FIGN: variants seen among roughly 807,000 people sequenced by gnomAD.
FIGN encodes fidgetin, microtubule severing factor.
A neutral mutation model predicts 51.3 loss-of-function variants in FIGN; 11 were observed. That is an observed-to-expected ratio of 0.21 (90% CI 0.13 to 0.35). FIGN has a LOEUF of 0.35. Ranked by LOEUF, FIGN falls within the 10% of genes least tolerant of loss-of-function variation. The probability of loss-of-function intolerance (pLI) is 1.00; values close to 1 mark genes in which losing one functional copy is unlikely to be tolerated. For missense variants in FIGN, 857 were observed against 943.6 expected (o/e 0.91, Z 1.20); for synonymous variants, 407 against 363.2 (o/e 1.12, Z -1.37).
At chr2:163,682,665 A>G (rs1387913569) in intron 2 of FIGN, among the ~76,000 whole-genome samples, 1 of 152,212 alleles carries the variant, frequency 6.6e-6, no homozygotes, top group African/African-American at 2.4e-5. Context: ...GAAAGTGAGA[A>G]TTTTTTAAAA....
intron 2 of FIGN, among the ~76,000 whole-genome samples, chr2:163,637,468 A>G (rs1006816447): frequency 3.3e-5 from 5 of 152,186 alleles, no homozygotes; most frequent in Non-Finnish European, 7.3e-5. Flanking sequence ...TCTGGCATCT[A>G]AGATTTAATG....
intron 2 of FIGN, among the ~76,000 whole-genome samples, chr2:163,628,911 C>G (rs1199601025): frequency 6.6e-6 from 1 of 152,080 alleles, no homozygotes; most frequent in Non-Finnish European, 1.5e-5. Flanking sequence ...TAAGGCCAGC[C>G]CAGAGCTAAA....
intron 2 of FIGN, among the ~76,000 whole-genome samples, chr2:163,710,714 A>G (rs1328265886): frequency 6.6e-6 from 1 of 152,180 alleles, no homozygotes; most frequent in Non-Finnish European, 1.5e-5. Context: ...TTATGACACA[A>G]TAGGGATTTG....
chr2:163,611,923 A>ACG, intron 2 of FIGN, 117 bp from the exon 3 acceptor site: 1 of 460,530 alleles, frequency 2.2e-6, no homozygotes, highest in South Asian at 1.1e-4. Flanking sequence ...TGCATACTTT[A>ACG]AAAGATCTAC....
chr2:163,625,205 C>G (rs1240828199), intron 2 of FIGN, among the ~76,000 whole-genome samples: 1 of 151,606 alleles, frequency 6.6e-6, no homozygotes, highest in Non-Finnish European at 1.5e-5. Context: ...CAGAAAAAAG[C>G]CTTGCAGTCA....
At chr2:163,680,720 T>G (rs1406114369) in intron 2 of FIGN, among the ~76,000 whole-genome samples, 1 of 151,614 alleles carries the variant, frequency 6.6e-6, no homozygotes, top group East Asian at 1.9e-4. Flanking sequence ...ATCTTCCCCC[T>G]CCCCAGAGCT....
chr2:163,699,579 T>TA (rs1684376248), intron 2 of FIGN, among the ~76,000 whole-genome samples: 2 of 152,110 alleles, frequency 1.3e-5, no homozygotes, highest in Admixed American at 6.6e-5. Context: ...AAAAAAATGA[T>TA]AAAAAATAAT....
chr2:163,651,211 C>A (rs1242983056), intron 2 of FIGN, among the ~76,000 whole-genome samples: 1 of 152,076 alleles, frequency 6.6e-6, no homozygotes, highest in African/African-American at 2.4e-5. Context: ...CGCCTGTATC[C>A]CAGCCCTTTG....
intron 2 of FIGN, among the ~76,000 whole-genome samples, chr2:163,710,345 T>C (rs1214101344): frequency 2.0e-5 from 3 of 152,212 alleles, no homozygotes; most frequent in Non-Finnish European, 2.9e-5. Flanking sequence ...TCGTGGAAAT[T>C]ATGAAGATTA....
chr2:163,714,134 C>A (rs958296125), intron 2 of FIGN, among the ~76,000 whole-genome samples: 1 of 152,202 alleles, frequency 6.6e-6, no homozygotes. Flanking sequence ...CTTAAACCTT[C>A]ATGGCAGTTT....
chr2:163,621,155 A>C (rs191669092), intron 2 of FIGN, among the ~76,000 whole-genome samples: 13 of 152,172 alleles, frequency 8.5e-5, no homozygotes, highest in Admixed American at 8.5e-4. Context: ...TAGACAAAAG[A>C]GTAAGAATGT....
chr2:163,724,035 C>A (rs1302059648), intron 2 of FIGN, among the ~76,000 whole-genome samples: 1 of 152,114 alleles, frequency 6.6e-6, no homozygotes, highest in Non-Finnish European at 1.5e-5. Flanking sequence ...TGGTCCATGA[C>A]AAAGCAGTCA....
intron 2 of FIGN, among the ~76,000 whole-genome samples, chr2:163,728,728 G>C (rs959437523): frequency 1.3e-4 from 20 of 152,206 alleles, no homozygotes; most frequent in African/African-American, 4.8e-4. Flanking sequence ...TGAAGGCAGG[G>C]CTGGCTTCAT....
intron 2 of FIGN, among the ~76,000 whole-genome samples, chr2:163,734,626 T>C (rs1684986348): frequency 6.7e-6 from 1 of 149,598 alleles, no homozygotes; most frequent in East Asian, 2.0e-4. Flanking sequence ...TCAGCAGTTA[T>C]ATATATATAG....
chr2:163,660,858 C>CAT lies in FIGN; in HGVS notation c.26-49054_26-49053dup, dbSNP rs1289524694. 5.7e-3 allele frequency among the ~76,000 whole-genome samples: 133 copies of CAT among 23,412 alleles called. 7 individuals are homozygous for CAT. Among genetic ancestry groups the CAT allele is most frequent in the African/African-American group, 0.016 (81 of 5,176 alleles). 15.4% of individuals were successfully genotyped at this position (23,412 alleles called of 152,430 possible). A position where few individuals can be genotyped will look rare whatever the true frequency, so the allele number is the denominator to read the frequency against. On this transcript the variant is annotated intron_variant, in intron 2 of 2. Transcript: ENST00000333129. ...ACATATATACATATATATATGTATACATATATATATATATATATATATTTT... is the reference window on the plus strand; with the variant it reads ...ACATATATACATATATATATGTATACATATATATATATATATATATATATTTT...
intron 2 of FIGN, among the ~76,000 whole-genome samples, chr2:163,629,234 G>C (rs1248626556): frequency 6.6e-6 from 1 of 152,174 alleles, no homozygotes; most frequent in Non-Finnish European, 1.5e-5. Flanking sequence ...ATAAAGTAGA[G>C]AACACGCTGT....
chr2:163,659,994 G>T (rs1683624600), intron 2 of FIGN, among the ~76,000 whole-genome samples: 1 of 152,074 alleles, frequency 6.6e-6, no homozygotes, highest in Non-Finnish European at 1.5e-5. Flanking sequence ...CCCAGTACCT[G>T]GGTGGCTGAG....
At chr2:163,697,603 A>C (rs1337960982) in intron 2 of FIGN, among the ~76,000 whole-genome samples, 1 of 152,132 alleles carries the variant, frequency 6.6e-6, no homozygotes, top group Non-Finnish European at 1.5e-5. Context: ...ACTTTCTTCA[A>C]GTCCAGGTTG....
chr2:163,715,834 C>T (rs1436771165), intron 2 of FIGN, among the ~76,000 whole-genome samples: 2 of 152,142 alleles, frequency 1.3e-5, no homozygotes, highest in African/African-American at 4.8e-5. Context: ...CACAACACTG[C>T]AAAAACCTAT....
Sources: gnomAD v4.1 joint callset for allele counts (sites outside exome capture counted in the v4.1 genomes callset) on GRCh38, gnomAD v4.1.1 for gene constraint, MANE v1.5 for transcripts, NCBI Gene and HGNC (gene_info 2026-07-23, HGNC 2026-07-21) for gene names.